Variants in SUMF1 observed in about 807,000 individuals in gnomAD.
SUMF1 encodes the protein formylglycine-generating enzyme.
In SUMF1, 48 loss-of-function variants were observed where a neutral mutation model predicts 47.6. The ratio of observed to expected loss-of-function variants is 1.01; its 90% CI spans 0.80 to 1.28. SUMF1 has a LOEUF of 1.28. Ranked by LOEUF, SUMF1 falls within the 50% of genes most tolerant of loss-of-function variation. The pLI, the probability that SUMF1 is intolerant of heterozygous loss-of-function variation, is 0.00. For missense variants in SUMF1, 571 were observed against 485.4 expected (o/e 1.18, Z -1.66); for synonymous variants, 230 against 192.1 (o/e 1.20, Z -1.63).
Position 4,140,579 on chromosome 3 carries a change from T to G in SUMF1, c.1015-71834A>C, listed in dbSNP as rs1022243564. ...ACATTTGACTTTATCCTATATTTTA[T>G]AAATTATTTTTCTATTCATATACTC... On this transcript the variant is annotated intron_variant and NMD_transcript_variant, in intron 8 of 12. Coordinates refer to the SUMF1 transcript ENST00000448413. 4.9e-4 allele frequency among the ~76,000 whole-genome samples: 75 copies of G among 152,052 alleles called. 2 individuals are homozygous for G.
intron 9 of SUMF1, among the ~76,000 whole-genome samples, chr3:4,050,870 T>C (rs1343805462): frequency 1.3e-5 from 2 of 151,520 alleles, no homozygotes; most frequent in Non-Finnish European, 2.9e-5. Flanking sequence ...CACTAAATAT[T>C]AGCCTTCTAA....
chr3:4,300,703 T>C (rs953271040), intron 8 of SUMF1, among the ~76,000 whole-genome samples: 5 of 152,224 alleles, frequency 3.3e-5, no homozygotes, highest in African/African-American at 1.2e-4. Flanking sequence ...AAAAATGTTT[T>C]GCCCTTGAAG....
chr3:4,313,934 G>T, intron 8 of SUMF1: 2 of 1,158,498 alleles, frequency 1.7e-6, no homozygotes. Context: ...TTTAACAAAA[G>T]TACATGACTA....
Position 4,109,713 on chromosome 3 carries a change from G to A in SUMF1, c.1015-40968C>T, listed in dbSNP as rs186078971. 8.6e-5 allele frequency among the ~76,000 whole-genome samples: 13 copies of A among 151,908 alleles called. No individual in the cohort carries two copies. In the South Asian group the frequency reaches 1.0e-3, roughly 12 times the overall value. On this transcript the variant is annotated intron_variant and NMD_transcript_variant, in intron 8 of 12. Transcript: ENST00000448413. ...CTGATACCCTTTCTTCCAGTTGATC[G>A]CATCGGCTCCTGAGGCTTGTGCATT... is the stretch of plus-strand genomic sequence containing the variant.
intron 9 of SUMF1, among the ~76,000 whole-genome samples, chr3:4,042,434 A>C (rs1196818825): frequency 6.6e-6 from 1 of 152,216 alleles, no homozygotes; most frequent in Non-Finnish European, 1.5e-5. Context: ...AAACACTATC[A>C]CAATGACTGC....
At chr3:4,115,417 G>A (rs966130105) in intron 8 of SUMF1, among the ~76,000 whole-genome samples, 2 of 152,098 alleles carry the variant, frequency 1.3e-5, no homozygotes, top group Non-Finnish European at 2.9e-5. Context: ...AAGGCAGAGG[G>A]CCTAATTGAG....
intron 8 of SUMF1, among the ~76,000 whole-genome samples, chr3:4,216,027 T>C (rs1021130257): frequency 6.6e-6 from 1 of 152,142 alleles, no homozygotes; most frequent in Non-Finnish European, 1.5e-5. Context: ...CTTCACAGAA[T>C]TGGAAAAAAC....
chr3:4,226,932 T>C (rs1370422028), intron 8 of SUMF1, among the ~76,000 whole-genome samples: 2 of 152,080 alleles, frequency 1.3e-5, no homozygotes, highest in Admixed American at 6.6e-5. Flanking sequence ...AAAATCACTC[T>C]GGGGGCTAAA....
At chr3:4,374,602 C>T (rs1559255729) in intron 8 of SUMF1, among the ~76,000 whole-genome samples, 1 of 152,096 alleles carries the variant, frequency 6.6e-6, no homozygotes, top group Non-Finnish European at 1.5e-5. Context: ...TCCTCAATTA[C>T]TTAGAAAGTA....
intron 8 of SUMF1, among the ~76,000 whole-genome samples, chr3:4,147,808 G>A (rs896375569): frequency 4.6e-5 from 7 of 152,040 alleles, no homozygotes; most frequent in Non-Finnish European, 1.0e-4. Context: ...CATATCAATC[G>A]GAGATGGAAA....
At chr3:4,062,042 C>T (rs1396649708) in intron 9 of SUMF1, among the ~76,000 whole-genome samples, 2 of 152,184 alleles carry the variant, frequency 1.3e-5, no homozygotes, top group East Asian at 3.9e-4. Context: ...CTCACCCTCT[C>T]TCTCCTACAC....
chr3:4,313,911 A>T, intron 8 of SUMF1: 1 of 1,374,858 alleles, frequency 7.3e-7, no homozygotes. Flanking sequence ...CCTTTCTGTA[A>T]TAGAATTCTC....
rs1209106291 is a variant in SUMF1 at position 4,460,598 on chromosome 3, C to CTG, written c.270+6377_270+6378insCA. 2.6e-3 allele frequency among the ~76,000 whole-genome samples: 349 copies of CTG among 136,386 alleles called. 2 individuals carry two copies. The highest frequency in any genetic ancestry group is 9.4e-3 in the African/African-American group (332 of 35,392). The allele number at this position is 136,386 out of a possible 152,430, so 89.5% of individuals were successfully genotyped here. A position where few individuals can be genotyped will look rare whatever the true frequency, so the allele number is the denominator to read the frequency against. On this transcript the variant is annotated intron_variant, in intron 1 of 8. Transcript: ENST00000272902. ...TCTAGCTCATGTGCCCTCACACACA[C>CTG]AGTGTGTGTGTGTGTGTGTGTGTGT...
chr3:4,162,559 G>C (rs1245439589), intron 8 of SUMF1, among the ~76,000 whole-genome samples: 2 of 152,166 alleles, frequency 1.3e-5, no homozygotes, highest in Non-Finnish European at 2.9e-5. Flanking sequence ...GCTGAGTTCA[G>C]CTTGGTGTTG....
chr3:4,171,200 G>A (rs990281670), intron 8 of SUMF1, among the ~76,000 whole-genome samples: 3 of 152,112 alleles, frequency 2.0e-5, no homozygotes, highest in Admixed American at 6.5e-5. Flanking sequence ...TAACTACTAA[G>A]GATTTTGCCA....
intron 8 of SUMF1, among the ~76,000 whole-genome samples, chr3:4,285,431 A>G (rs998210718): frequency 6.6e-6 from 1 of 151,896 alleles, no homozygotes; most frequent in African/African-American, 2.4e-5. Context: ...TTTTTTTGTG[A>G]CTCTCTAGAG....
At chr3:4,134,905 TC>T (rs1048414082) in intron 8 of SUMF1, among the ~76,000 whole-genome samples, 8 of 152,122 alleles carry the variant, frequency 5.3e-5, no homozygotes, top group Admixed American at 3.3e-4. Flanking sequence ...ACATACACTT[TC>T]CCAAGACTAA....
chr3:4,086,227 A>C (rs1443257930), intron 8 of SUMF1, among the ~76,000 whole-genome samples: 2 of 152,048 alleles, frequency 1.3e-5, no homozygotes, highest in South Asian at 4.1e-4. Flanking sequence ...AAAAAAAAAA[A>C]AACAGAATTA....
At chr3:4,344,538 G>A (rs980946165) in intron 8 of SUMF1, among the ~76,000 whole-genome samples, 11 of 152,164 alleles carry the variant, frequency 7.2e-5, no homozygotes, top group Non-Finnish European at 1.5e-4. Context: ...AGGGTCAGCA[G>A]CCTCAAAGAC....
Sources: gnomAD v4.1 joint callset for allele counts (sites outside exome capture counted in the v4.1 genomes callset) on GRCh38, gnomAD v4.1.1 for gene constraint, MANE v1.5 for transcripts, NCBI Gene and HGNC (gene_info 2026-07-23, HGNC 2026-07-21) for gene names.